Variants in APPL1 observed in about 807,000 individuals in gnomAD.
APPL1 encodes the protein adaptor protein, phosphotyrosine interacting with PH domain and leucine zipper 1.
In APPL1, 42 loss-of-function variants were observed where a neutral mutation model predicts 106.8. The ratio of observed to expected loss-of-function variants is 0.39; its 90% confidence interval spans 0.31 to 0.51. The LOEUF is 0.51. Ranked by LOEUF, APPL1 falls within the 20% of genes least tolerant of loss-of-function variation. The pLI is 0.75. For missense variants in APPL1, 769 were observed against 858.2 expected, an observed-to-expected ratio of 0.90 and a Z score of 1.30; for synonymous variants, 263 against 281.8, an observed-to-expected ratio of 0.93 and a Z score of 0.67.
chr3:57,268,501 A>C lies in APPL1; in HGVS notation c.1983+14A>C. On this transcript the variant is annotated intron_variant, in intron 21 of 21. Transcript: ENST00000288266. ...CAGATTGAAAAGGTATACAGTCCTAATGTCTGGATCTTTATGTGTTGTTTG... is the reference window on the plus strand; with the variant it reads ...CAGATTGAAAAGGTATACAGTCCTACTGTCTGGATCTTTATGTGTTGTTTG... The C allele has an allele frequency of 6.3e-7, 1 of 1,578,064 alleles. No homozygotes were observed. The highest frequency in any genetic ancestry group is 1.2e-5 in the South Asian group (1 of 84,918).
chr3:57,258,947 C>T, intron 15 of APPL1, 81 bp from the exon 16 acceptor site: 1 of 983,776 alleles, frequency 1.0e-6, no homozygotes, highest in East Asian at 2.5e-5. Context: ...TAAATGTTAA[C>T]TGTGGTTTTA....
rs763654188 is a variant in APPL1, at chr3:57,240,556, T to C, written c.373+4T>C. ...TTTAAAGAAAGAGATCTGAAAGGTA[T>C]TGAAGTCAAGCTTATGTTTACTTTC... On this transcript the variant is annotated splice_donor_region_variant and intron_variant, in intron 5 of 21. Coordinates refer to ENST00000288266, the MANE Select transcript of APPL1 (RefSeq NM_012096.3). The C allele has an allele frequency of 1.9e-6, 3 of 1,611,172 alleles. No individual in the cohort carries two copies. The Admixed American group carries it at 5.0e-5, about 27-fold the overall frequency.
chr3:57,229,699 CTTTTTTTTTTTT>C (rs753258836), intron 1 of APPL1, among the ~76,000 whole-genome samples: 77 of 93,120 alleles, frequency 8.3e-4, no homozygotes, highest in African/African-American at 2.8e-3. Context: ...ACTGTGCCAG[CTTTTTTTTTTTT>C]TTTTTTTTTT....
chr3:57,239,732 A>G (rs1244026959), intron 4 of APPL1, among the ~76,000 whole-genome samples: 4 of 152,182 alleles, frequency 2.6e-5, no homozygotes, highest in Non-Finnish European at 5.9e-5. Context: ...TGTTTATTTA[A>G]AAGTTAAATA....
At position 57,227,825 on chromosome 3, in the gene APPL1, C is replaced by G. The variant is rs912768161; in HGVS notation, c.-59C>G. 5.8e-6 allele frequency: 8 copies of G among 1,384,756 alleles called. No individual in the cohort carries two copies. The African/African-American group carries it at 6.0e-5, about 10-fold the overall frequency. 85.8% of individuals were successfully genotyped at this position (1,384,756 alleles called of 1,614,324 possible). On this transcript the variant is annotated 5_prime_UTR_variant, in exon 1 of 22. Coordinates refer to ENST00000288266, the MANE Select transcript of APPL1 (RefSeq NM_012096.3). Reference sequence around the variant, plus strand: ...CCGGGGTCAGCTGCGGCGGGCGGGCCGGCGCGGGGAGCTGTGGGCGGCAGC... The same window carrying G: ...CCGGGGTCAGCTGCGGCGGGCGGGCGGGCGCGGGGAGCTGTGGGCGGCAGC...
In APPL1 at chr3:57,270,443, T is replaced by C. The variant is rs144495926; in HGVS notation, c.*756T>C. ...AGCAGTAGTGGTTAAAAATAAGATATTGGAATTTATTAAAAGATTTTTGTT... is the reference window on the plus strand; with the variant it reads ...AGCAGTAGTGGTTAAAAATAAGATACTGGAATTTATTAAAAGATTTTTGTT... On this transcript the variant is annotated 3_prime_UTR_variant, in exon 22 of 22. Transcript: ENST00000288266. 7.9e-5 allele frequency: 12 copies of C among 152,760 alleles called. No homozygotes were observed. Among genetic ancestry groups the C allele is most frequent in the South Asian group, 6.2e-4 (3 of 4,830 alleles). 9.5% of individuals were successfully genotyped at this position (152,760 alleles called of 1,614,324 possible).
At position 57,269,615 on chromosome 3, in the gene APPL1, T is replaced by C; in HGVS notation, c.2058T>C (p.Val686=). 6.2e-7 allele frequency: 1 copy of C among 1,614,126 alleles called. No individual in the cohort carries two copies. The highest frequency in any genetic ancestry group is 8.5e-7 in the Non-Finnish European group (1 of 1,180,018). ...AAGCCAGTAGTGAGGGGCAGTTTGT[T>C]GTCCTTAGCAGTAGCCAGTCAGAAG... ...PNQASSEGQF[V]VLSSSQSEES... Residue 686 remains valine (V), a synonymous_variant, in exon 22 of 22, where the codon GTT becomes GTC. Transcript: ENST00000288266.
chr3:57,254,353 C>G (rs551463829), intron 13 of APPL1, among the ~76,000 whole-genome samples: 21 of 152,318 alleles, frequency 1.4e-4, no homozygotes, highest in Middle Eastern at 3.4e-3. Flanking sequence ...AGGAGCCTAT[C>G]TGTATGGAGA....
At chr3:57,267,665 A>G (rs1417401013) in intron 19 of APPL1, 77 bp from the exon 20 acceptor site, 4 of 1,224,332 alleles carry the variant, frequency 3.3e-6, no homozygotes, top group Middle Eastern at 1.9e-4. Context: ...AACTAGTTCC[A>G]TCAGTTATTT....
rs1559509463 is a variant in APPL1, at chr3:57,246,153, A to C, written c.552A>C (p.Ala184=). 1.9e-6 allele frequency: 3 copies of C among 1,612,734 alleles called. No homozygotes were observed. Among genetic ancestry groups the C allele is most frequent in the Non-Finnish European group, 2.5e-6 (3 of 1,179,240 alleles). ...AGACCATGATGCATTATTTTTGTGC[A>C]TTAAATACTCTTCAGTACAAGAAGA... The part of the protein sequence containing the change: ...QHQTMMHYFC[A]LNTLQYKKKI... Residue 184 remains alanine (A), a synonymous_variant, in exon 8 of 22, where the codon GCA becomes GCC. Transcript: ENST00000288266.
intron 8 of APPL1, among the ~76,000 whole-genome samples, 193 bp from the exon 9 acceptor site, chr3:57,247,202 A>G (rs1200877799): frequency 5.3e-5 from 8 of 152,200 alleles, no homozygotes; most frequent in African/African-American, 1.9e-4. Context: ...TATGCAGTGG[A>G]ATTTAAGTCT....
intron 7 of APPL1, among the ~76,000 whole-genome samples, chr3:57,244,399 G>A (rs892460134): frequency 6.6e-6 from 1 of 152,094 alleles, no homozygotes; most frequent in African/African-American, 2.4e-5. Context: ...CAGGTGATCT[G>A]CCTGCCTCGG....
At chr3:57,261,207 G>C (rs935700591) in intron 19 of APPL1, among the ~76,000 whole-genome samples, 2 of 152,096 alleles carry the variant, frequency 1.3e-5, no homozygotes, top group African/African-American at 4.8e-5. Context: ...GAGAACATGT[G>C]ATATTTGTCT....
At chr3:57,260,212 C>T (rs986048972) in intron 18 of APPL1, 59 bp downstream of exon 18, 17 of 1,489,836 alleles carry the variant, frequency 1.1e-5, no homozygotes, top group African/African-American at 8.5e-5. Context: ...ACACATCTTA[C>T]AACTTGATAA....
At chr3:57,252,206 C>G (rs1167389940) in intron 11 of APPL1, 63 bp from the exon 12 acceptor site, 3 of 1,365,814 alleles carry the variant, frequency 2.2e-6, no homozygotes, top group Non-Finnish European at 3.1e-6. Context: ...TAAAAAGTTA[C>G]CTCGGATTAT....
chr3:57,257,356 T>C lies in APPL1; in HGVS notation c.1358T>C (p.Ile453Thr), dbSNP rs1379894222. The C allele has an allele frequency of 1.2e-6, 2 of 1,614,094 alleles. No homozygotes were observed. The highest frequency in any genetic ancestry group is 1.7e-6 in the Non-Finnish European group (2 of 1,180,008). The change falls in exon 15 of 22, where the codon ATA becomes ACA. Residue 453 changes from isoleucine (I) to threonine (T), a missense_variant. Transcript: ENST00000288266. ...TCTCTTGTTGCCCCAGACACCCCAA[T>C]ACAGTTTGACATAATTTCTCCTGTG... is the stretch of plus-strand genomic sequence containing the variant. ...LDSLVAPDTPIQFDIISPVCE... is the reference protein window; with the variant it reads ...LDSLVAPDTPTQFDIISPVCE...
Position 57,244,158 on chromosome 3 carries a change from C to CT in APPL1, c.474+1259dup, listed in dbSNP as rs113139356. Among the ~76,000 whole-genome samples, 674 of 143,454 alleles carry CT rather than the reference C, an allele frequency of 4.7e-3. 1 individual carries two copies. The highest frequency in any genetic ancestry group is 9.5e-3 in the African/African-American group (372 of 39,220). The allele number at this position is 143,454 out of a possible 152,430, so 94.1% of individuals were successfully genotyped here. A position where few individuals can be genotyped will look rare whatever the true frequency, so the allele number is the denominator to read the frequency against. ...GATTGGTGAATTGGGAAAGGTTACA[C>CT]TTTTTTTTTTTTTTTGAGACAGGGC... On this transcript the variant is annotated intron_variant, in intron 7 of 21. Transcript: ENST00000288266.
At chr3:57,268,183 A>G (rs556723950) in intron 20 of APPL1, among the ~76,000 whole-genome samples, 6 of 152,302 alleles carry the variant, frequency 3.9e-5, no homozygotes, top group African/African-American at 1.2e-4. Flanking sequence ...AGTAAATAAA[A>G]TGATTTTGCT....
Position 57,272,489 on chromosome 3 carries a change from G to GTTAA in APPL1, c.*2805_*2808dup. On this transcript the variant is annotated 3_prime_UTR_variant, in exon 22 of 22. Transcript: ENST00000288266. ...AATCGTATATGGTAAAGGCATTTGA[G>GTTAA]TTAATTTTGCATTATATCTAGGAAC... The GTTAA allele has an allele frequency of 6.6e-6, 1 of 152,182 alleles. No homozygotes were observed. Among genetic ancestry groups the GTTAA allele is most frequent in the East Asian group, 1.9e-4 (1 of 5,184 alleles). 9.4% of individuals were successfully genotyped at this position (152,182 alleles called of 1,614,324 possible). A position where few individuals can be genotyped will look rare whatever the true frequency, so the allele number is the denominator to read the frequency against.
Sources: gnomAD v4.1 joint callset for allele counts (sites outside exome capture counted in the v4.1 genomes callset) on GRCh38, gnomAD v4.1.1 for gene constraint, MANE v1.5 for transcripts, NCBI Gene and HGNC (gene_info 2026-07-23, HGNC 2026-07-21) for gene names.